The following CADPS variants were observed in gnomAD, a reference collection of about 807,000 sequenced individuals.
CADPS encodes the protein calcium-dependent secretion activator 1.
In CADPS, 57 loss-of-function variants were observed where a neutral mutation model predicts 167.3. The ratio of observed to expected loss-of-function variants is 0.34; its 90% CI spans 0.28 to 0.42. CADPS has a LOEUF of 0.42. Among genes scored for constraint, CADPS ranks in the 20% least tolerant of loss-of-function variants. CADPS has a pLI of 1.00. For missense variants in CADPS, 1,414 were observed against 1,738.1 expected, an observed-to-expected ratio of 0.81 and a Z score of 3.32; for synonymous variants, 676 against 635.3, an observed-to-expected ratio of 1.06 and a Z score of -0.96.
intron 1 of CADPS, among the ~76,000 whole-genome samples, chr3:62,781,192 A>T (rs895515300): frequency 1.3e-5 from 2 of 152,162 alleles, no homozygotes; most frequent in Non-Finnish European, 2.9e-5. Context: ...GACTTGTCCT[A>T]GGGCAGACTC....
intron 6 of CADPS, among the ~76,000 whole-genome samples, chr3:62,614,950 T>C (rs746202053): frequency 2.6e-5 from 4 of 152,180 alleles, no homozygotes; most frequent in Non-Finnish European, 5.9e-5. Context: ...GGACAGTGCA[T>C]GTTCTTTAAG....
At chr3:62,659,898 C>T (rs1488902867) in intron 4 of CADPS, among the ~76,000 whole-genome samples, 1 of 152,174 alleles carries the variant, frequency 6.6e-6, no homozygotes, top group Non-Finnish European at 1.5e-5. Context: ...CATAGAAACC[C>T]TCAATACCCT....
At chr3:62,740,498 C>A (rs2079981941) in intron 3 of CADPS, among the ~76,000 whole-genome samples, 1 of 152,288 alleles carries the variant, frequency 6.6e-6, no homozygotes, top group South Asian at 2.1e-4. Flanking sequence ...TTTGTCTCTA[C>A]TTTGGTCTAT....
Position 62,420,232 on chromosome 3 carries a change from A to G in CADPS, c.3778-17047T>C, listed in dbSNP as rs571944316. 7.7e-4 allele frequency among the ~76,000 whole-genome samples: 117 copies of G among 152,332 alleles called. No individual in the cohort carries two copies. Among genetic ancestry groups the G allele is most frequent in the Middle Eastern group, 3.4e-3 (1 of 294 alleles). On this transcript the variant is annotated intron_variant, in intron 28 of 29. Coordinates refer to ENST00000383710, the MANE Select transcript of CADPS (RefSeq NM_003716.4). This position sits in a 1 kb window ranked among gnomAD's most constrained non-coding sequence, Gnocchi z 4.1. Reference sequence around the variant, plus strand: ...TCTGGAATCCTAGAATTTGAAGACAATAAGACCCAACAACTCTAACTGGGT... The same window carrying G: ...TCTGGAATCCTAGAATTTGAAGACAGTAAGACCCAACAACTCTAACTGGGT...
intron 26 of CADPS, among the ~76,000 whole-genome samples, chr3:62,462,728 T>A (rs889856793): frequency 2.0e-5 from 3 of 152,212 alleles, no homozygotes; most frequent in Non-Finnish European, 4.4e-5. Context: ...TTCACAGGTT[T>A]CAAGCTCTTT....
chr3:62,581,051 G>A (rs1432059080), intron 8 of CADPS, among the ~76,000 whole-genome samples: 1 of 152,146 alleles, frequency 6.6e-6, no homozygotes, highest in Non-Finnish European at 1.5e-5. Context: ...AGTGATCATG[G>A]AGCTAGAGAG....
At chr3:62,821,476 C>T (rs1006579886) in intron 1 of CADPS, among the ~76,000 whole-genome samples, 1 of 152,176 alleles carries the variant, frequency 6.6e-6, no homozygotes, top group Non-Finnish European at 1.5e-5. Flanking sequence ...CCTCTTTCAG[C>T]TTTTGGTAGC....
At chr3:62,794,792 A>AAAAAAAAAAG (rs1553689724) in intron 1 of CADPS, among the ~76,000 whole-genome samples, 3,734 of 147,300 alleles carry the variant, frequency 0.025, 213 homozygotes, top group African/African-American at 0.094. Context: ...AAAAAAAAAA[A>AAAAAAAAAAG]AAAAAAAAAA....
chr3:62,436,146 G>A (rs185835115), intron 28 of CADPS, among the ~76,000 whole-genome samples: 115 of 152,128 alleles, frequency 7.6e-4, no homozygotes, highest in African/African-American at 2.7e-3. Context: ...GCCTTGCTGC[G>A]TTCAGCAAGG....
At chr3:62,543,359 C>T (rs1304632669) in intron 11 of CADPS, among the ~76,000 whole-genome samples, 6 of 152,130 alleles carry the variant, frequency 3.9e-5, no homozygotes, top group African/African-American at 1.4e-4. Flanking sequence ...TAAAAATCTA[C>T]TAGGATAGCA....
chr3:62,734,592 T>A (rs1013572832), intron 3 of CADPS, among the ~76,000 whole-genome samples: 1 of 152,354 alleles, frequency 6.6e-6, no homozygotes, highest in Non-Finnish European at 1.5e-5. Context: ...TTACTCTCAA[T>A]ACAATGTCTA....
intron 18 of CADPS, chr3:62,498,160 A>C (rs1390070560): frequency 2.2e-6 from 1 of 456,672 alleles, no homozygotes; most frequent in African/African-American, 2.0e-5. Context: ...TTCCCCTGCC[A>C]TGATCAGCCA....
chr3:62,834,960 T>C (rs947775955), intron 1 of CADPS, among the ~76,000 whole-genome samples: 14 of 152,304 alleles, frequency 9.2e-5, no homozygotes, highest in South Asian at 8.3e-4. Flanking sequence ...AGTTCAAATA[T>C]GGAATTTTAC....
In CADPS at chr3:62,478,447, C is replaced by A; in HGVS notation, c.3174-31G>T. 6.3e-7 allele frequency: 1 copy of A among 1,597,718 alleles called. No homozygotes were observed. Among genetic ancestry groups the A allele is most frequent in the Non-Finnish European group, 8.5e-7 (1 of 1,170,566 alleles). On this transcript the variant is annotated intron_variant, in intron 22 of 29. Transcript: ENST00000383710. The surrounding 1 kb of genome is among the most constrained non-coding windows in gnomAD (Gnocchi z 5.7). Reference sequence around the variant, plus strand: ...AGGACAAAAATTAGAAAATGAGAGTCACCCACTGGCCTCAGGCTCTACAAA... The same window carrying A: ...AGGACAAAAATTAGAAAATGAGAGTAACCCACTGGCCTCAGGCTCTACAAA...
intron 28 of CADPS, among the ~76,000 whole-genome samples, chr3:62,409,144 A>G (rs2048462622): frequency 6.6e-6 from 1 of 152,260 alleles, no homozygotes; most frequent in South Asian, 2.1e-4. Flanking sequence ...AGAAAAGGGC[A>G]TAGATAGGTT....
At chr3:62,408,474 A>T (rs987906998) in intron 28 of CADPS, among the ~76,000 whole-genome samples, 4 of 152,100 alleles carry the variant, frequency 2.6e-5, no homozygotes, top group African/African-American at 9.7e-5. Flanking sequence ...TGGAAACTTT[A>T]CCCCCTGGAA....
intron 7 of CADPS, 26 bp from the exon 8 acceptor site, chr3:62,585,350 T>C (rs764323470): frequency 1.3e-6 from 2 of 1,590,792 alleles, no homozygotes; most frequent in Non-Finnish European, 1.7e-6. Context: ...GACAAGCAAC[T>C]AGAAAAGAGA....
chr3:62,713,868 C>T (rs2083883512), intron 3 of CADPS, among the ~76,000 whole-genome samples: 1 of 152,154 alleles, frequency 6.6e-6, no homozygotes, highest in Admixed American at 6.5e-5. Context: ...AGGGGTTGTG[C>T]CCTGAGATCA....
At position 62,650,970 on chromosome 3, in the gene CADPS, G is replaced by A; in HGVS notation, c.1080C>T (p.Ser360=). 6.2e-7 allele frequency: 1 copy of A among 1,614,038 alleles called. No individual in the cohort carries two copies. The part of the protein sequence containing the change: ...LMANLESMPV[S]KGGEFKLQKL... ...TCTGGAGCTTGAACTCCCCGCCTTTGGATACCGGCATGCTCTCCAAGTTGG... is the reference window on the plus strand; with the variant it reads ...TCTGGAGCTTGAACTCCCCGCCTTTAGATACCGGCATGCTCTCCAAGTTGG... Residue 360 remains serine, a synonymous_variant, in exon 5 of 30, where the codon TCC becomes TCT. Transcript: ENST00000383710.
Sources: gnomAD v4.1 joint callset for allele counts (sites outside exome capture counted in the v4.1 genomes callset) on GRCh38, gnomAD v4.1.1 for gene constraint, Gnocchi (gnomAD v3.1) non-coding constraint, MANE v1.5 for transcripts, NCBI Gene and HGNC (gene_info 2026-07-23, HGNC 2026-07-21) for gene names.